IL1RAPL2: variants seen among roughly 807,000 people sequenced by gnomAD.
IL1RAPL2 encodes the protein interleukin 1 receptor accessory protein like 2.
A neutral mutation model predicts 44.1 loss-of-function variants in IL1RAPL2; 3 were observed. The observed-to-expected ratio is 0.07, with a 90% confidence interval of 0.03 to 0.18. The LOEUF (loss-of-function observed/expected upper bound fraction) is 0.18. Ranked by LOEUF, IL1RAPL2 falls within the 10% of genes least tolerant of loss-of-function variation. The probability of loss-of-function intolerance (pLI) is 1.00; values close to 1 mark genes in which losing one functional copy is unlikely to be tolerated. For synonymous variants in IL1RAPL2, 181 were observed against 178.8 expected, an observed-to-expected ratio of 1.01 and a Z score of -0.10; for missense variants, 391 against 496.4, an observed-to-expected ratio of 0.79 and a Z score of 2.02.
chrX:105,495,138 G>A (rs1374190864), intron 6 of IL1RAPL2, among the ~76,000 whole-genome samples: 2 of 112,309 alleles, frequency 1.8e-5, no homozygotes, highest in African/African-American at 6.5e-5. Flanking sequence ...GAGTTTGCTC[G>A]ATTCCCACAA....
chrX:105,452,493 G>C (rs2147762321), intron 5 of IL1RAPL2, among the ~76,000 whole-genome samples: 1 of 111,494 alleles, frequency 9.0e-6, no homozygotes, highest in Non-Finnish European at 1.9e-5. Flanking sequence ...TTCAGCAATT[G>C]ACATTTCATA....
At chrX:104,617,758 A>T (rs1929308358) in intron 1 of IL1RAPL2, among the ~76,000 whole-genome samples, 2 of 111,586 alleles carry the variant, frequency 1.8e-5, no homozygotes, top group Non-Finnish European at 3.8e-5. Flanking sequence ...TTGATTTAGA[A>T]GTGTCTTCGT....
At chrX:105,461,711 T>C (rs186924182) in intron 5 of IL1RAPL2, among the ~76,000 whole-genome samples, 1 of 111,142 alleles carries the variant, frequency 9.0e-6, no homozygotes, top group Non-Finnish European at 1.9e-5. Flanking sequence ...AAAAATACAC[T>C]GCAATAGAAA....
At chrX:105,081,109 G>A (rs1387410985) in intron 2 of IL1RAPL2, among the ~76,000 whole-genome samples, 1 of 111,500 alleles carries the variant, frequency 9.0e-6, no homozygotes, top group Non-Finnish European at 1.9e-5. Flanking sequence ...AGCTTCAGGA[G>A]ATTTTGGGCT....
intron 2 of IL1RAPL2, among the ~76,000 whole-genome samples, chrX:105,025,709 A>T (rs1311774347): frequency 8.1e-5 from 9 of 111,472 alleles, no homozygotes; most frequent in Non-Finnish European, 1.9e-5. Context: ...AGAAAAAGCC[A>T]TTTGTAAATG....
intron 2 of IL1RAPL2, among the ~76,000 whole-genome samples, chrX:104,753,195 G>A: frequency 9.3e-6 from 1 of 107,568 alleles, no homozygotes; most frequent in Admixed American, 1.0e-4. Flanking sequence ...TGAGCTCTAA[G>A]AAGATGCTCA....
intron 2 of IL1RAPL2, among the ~76,000 whole-genome samples, chrX:104,694,305 G>T (rs534103293): frequency 1.0e-3 from 113 of 111,688 alleles, no homozygotes; most frequent in Middle Eastern, 4.6e-3. Flanking sequence ...AACAACTATG[G>T]ACTTAGAACT....
At chrX:104,959,204 T>C (rs2029957728) in intron 2 of IL1RAPL2, among the ~76,000 whole-genome samples, 1 of 111,517 alleles carries the variant, frequency 9.0e-6, no homozygotes, top group Non-Finnish European at 1.9e-5. Flanking sequence ...GAAAAAGCCT[T>C]AAGAAGGGTA....
At chrX:105,647,180 G>A (rs210548) in intron 6 of IL1RAPL2, among the ~76,000 whole-genome samples, 1 of 112,187 alleles carries the variant, frequency 8.9e-6, no homozygotes, top group Non-Finnish European at 1.9e-5. Context: ...GATCAGAAGC[G>A]TAGCGGACAC....
At chrX:105,240,081 G>C (rs1375302657) in intron 4 of IL1RAPL2, among the ~76,000 whole-genome samples, 5 of 112,248 alleles carry the variant, frequency 4.5e-5, no homozygotes, top group Non-Finnish European at 9.4e-5. Context: ...AACTATTTTA[G>C]CAATGTACAA....
chrX:105,260,395 T>C (rs111717147), intron 4 of IL1RAPL2, among the ~76,000 whole-genome samples: 18 of 111,421 alleles, frequency 1.6e-4, no homozygotes, highest in South Asian at 1.5e-3. Context: ...AGGAAAGGGA[T>C]TGGGGACTCA....
chrX:104,674,043 A>G (rs1930683294), intron 2 of IL1RAPL2, among the ~76,000 whole-genome samples: 1 of 111,627 alleles, frequency 9.0e-6, no homozygotes, highest in Non-Finnish European at 1.9e-5. Context: ...GTCATCTGCA[A>G]ACAGGGACAA....
In IL1RAPL2 at chrX:104,714,739, G is replaced by T. The variant is rs185043383; in HGVS notation, c.82+55744G>T. On this transcript the variant is annotated intron_variant, in intron 2 of 10. Transcript: ENST00000372582. ...CTTTGCTGCATCTACTGAGATAATC[G>T]TGTGGTTTTTGTCTTTAGCTCTCTT... Among the ~76,000 whole-genome samples, 60 of 111,194 alleles carry T rather than the reference G, an allele frequency of 5.4e-4. No individual in the cohort carries two copies. The East Asian group carries it at 0.016, about 29-fold the overall frequency.
chrX:105,398,944 A>G (rs931741661), intron 5 of IL1RAPL2, among the ~76,000 whole-genome samples: 3 of 111,688 alleles, frequency 2.7e-5, no homozygotes, highest in Non-Finnish European at 5.7e-5. Context: ...AGTTTACAGA[A>G]ACATTTTGTC....
chrX:104,817,282 G>T (rs1921162622), intron 2 of IL1RAPL2, among the ~76,000 whole-genome samples: 1 of 112,353 alleles, frequency 8.9e-6, no homozygotes, highest in African/African-American at 3.2e-5. Context: ...GGCTGGTTTT[G>T]CCACAGAAAG....
At chrX:104,854,869 C>T (rs1382173483) in intron 2 of IL1RAPL2, among the ~76,000 whole-genome samples, 2 of 111,251 alleles carry the variant, frequency 1.8e-5, no homozygotes, top group Non-Finnish European at 3.8e-5. Context: ...CTGACCTGGG[C>T]CAATTTTTCC....
chrX:105,050,122 C>T (rs1360252807), intron 2 of IL1RAPL2, among the ~76,000 whole-genome samples: 1 of 111,870 alleles, frequency 8.9e-6, no homozygotes, highest in Non-Finnish European at 1.9e-5. Context: ...AATACTTGCA[C>T]TGTGTGTCCA....
intron 2 of IL1RAPL2, among the ~76,000 whole-genome samples, chrX:105,097,219 C>T (rs1334717713): frequency 9.5e-6 from 1 of 105,550 alleles, no homozygotes; most frequent in African/African-American, 3.5e-5. Flanking sequence ...TCCCAGCTAC[C>T]GGGAGGCTGA....
chrX:105,397,894 A>G (rs780142036), intron 5 of IL1RAPL2, among the ~76,000 whole-genome samples: 27 of 109,799 alleles, frequency 2.5e-4, no homozygotes, highest in African/African-American at 8.3e-4. Flanking sequence ...TTTTTTCCCC[A>G]ATTTTCCATC....
Sources: gnomAD v4.1 joint callset for allele counts (sites outside exome capture counted in the v4.1 genomes callset) on GRCh38, gnomAD v4.1.1 for gene constraint, MANE v1.5 for transcripts, NCBI Gene and HGNC (gene_info 2026-07-23, HGNC 2026-07-21) for gene names.